PPHLN1: variants seen among roughly 807,000 people sequenced by gnomAD.
PPHLN1 encodes periphilin-1.
In PPHLN1, 29 loss-of-function variants were observed where a neutral mutation model predicts 51.3. That is an observed-to-expected ratio of 0.57 (90% confidence interval 0.42 to 0.77). The LOEUF (loss-of-function observed/expected upper bound fraction) is 0.77. Among genes scored for constraint, PPHLN1 ranks in the 30% least tolerant of loss-of-function variants. The pLI, the probability that PPHLN1 is intolerant of heterozygous loss-of-function variation, is 0.00. For missense variants in PPHLN1, 436 were observed against 438.4 expected (o/e 0.99, Z 0.05); for synonymous variants, 147 against 147.8 (o/e 0.99, Z 0.04).
At chr12:42,426,230 C>CCT (rs2081484162) in intron 9 of PPHLN1, among the ~76,000 whole-genome samples, 1 of 80,354 alleles carries the variant, frequency 1.2e-5, no homozygotes, top group Non-Finnish European at 2.5e-5. Context: ...ACACACACAC[C>CCT]CTCATGCATT....
intron 2 of PPHLN1, among the ~76,000 whole-genome samples, chr12:42,342,704 C>T (rs1311585351): frequency 6.6e-6 from 1 of 152,192 alleles, no homozygotes; most frequent in Non-Finnish European, 1.5e-5. Context: ...CTTCATTTTT[C>T]TGTTTCTTTA....
intron 9 of PPHLN1, among the ~76,000 whole-genome samples, chr12:42,432,698 C>T (rs1343579881): frequency 6.6e-6 from 1 of 152,168 alleles, no homozygotes; most frequent in East Asian, 1.9e-4. Context: ...AGGAACCTTC[C>T]TAGCTTGCTG....
At chr12:42,346,083 G>A (rs992962792) in intron 2 of PPHLN1, among the ~76,000 whole-genome samples, 1 of 152,070 alleles carries the variant, frequency 6.6e-6, no homozygotes, top group African/African-American at 2.4e-5. Context: ...ACCTTTTTGT[G>A]TGATAAGAAC....
chr12:42,391,168 T>G (rs2077672145), intron 7 of PPHLN1, among the ~76,000 whole-genome samples: 1 of 152,046 alleles, frequency 6.6e-6, no homozygotes, highest in African/African-American at 2.4e-5. Context: ...TTTTTCAGAG[T>G]TTGTTAGTTT....
intron 4 of PPHLN1, among the ~76,000 whole-genome samples, chr12:42,360,160 C>G (rs1425834678): frequency 6.7e-6 from 1 of 150,192 alleles, no homozygotes; most frequent in African/African-American, 2.5e-5. Flanking sequence ...TCCTGTAACC[C>G]TTCACTAGAG....
chr12:42,393,609 G>T lies in PPHLN1; in HGVS notation c.688G>T (p.Ala230Ser), dbSNP rs959121248. ...KPSRLTEKEL[A>S]EAASKWAAEK... ...CAGTAGGCTAACTGAAAAGGAACTT[G>T]CTGAGGCTGCAAGCAAGTGGGCTGC... is the stretch of plus-strand genomic sequence containing the variant. The change falls in exon 8 of 10, where the codon GCT becomes TCT. Residue 230 changes from alanine (A) to serine (S), a missense_variant. Physicochemically the swap from Ala to Ser is moderately conservative, Grantham distance 99. Coordinates refer to ENST00000358314, the MANE Select transcript of PPHLN1 (RefSeq NM_201439.2). 1 of 1,610,430 alleles carries T rather than the reference G, an allele frequency of 6.2e-7. No homozygotes were observed. Among genetic ancestry groups the T allele is most frequent in the Non-Finnish European group, 8.5e-7 (1 of 1,178,660 alleles).
chr12:42,369,430 T>C (rs1003533131), intron 4 of PPHLN1, among the ~76,000 whole-genome samples: 2 of 152,198 alleles, frequency 1.3e-5, no homozygotes, highest in African/African-American at 4.8e-5. Flanking sequence ...GCACTTGTAT[T>C]GGCATGCCTG....
chr12:42,443,186 A>G (rs927896333), downstream of PPHLN1: 1 of 153,394 alleles, frequency 6.5e-6, no homozygotes, highest in African/African-American at 2.4e-5. Flanking sequence ...CAAAGAGGAA[A>G]CGGAGGTTTT....
At chr12:42,386,851 G>A (rs747562637) in intron 6 of PPHLN1, 1 of 152,156 alleles carries the variant, frequency 6.6e-6, no homozygotes, top group Non-Finnish European at 1.5e-5. Flanking sequence ...CACTATGTGA[G>A]TAAAGTGACT....
intron 9 of PPHLN1, chr12:42,399,828 C>T (rs963004784): frequency 1.3e-5 from 2 of 151,978 alleles, no homozygotes; most frequent in Non-Finnish European, 2.9e-5. Flanking sequence ...ATTGGAGTTT[C>T]AAAATGAAGG....
intron 9 of PPHLN1, among the ~76,000 whole-genome samples, chr12:42,437,614 CTAT>C (rs2082595219): frequency 6.6e-6 from 1 of 152,126 alleles, no homozygotes; most frequent in South Asian, 2.1e-4. Flanking sequence ...ACAGTTTCCC[CTAT>C]TATTAACATT....
In PPHLN1 at chr12:42,441,685, A is replaced by G. The variant is rs2082978837; in HGVS notation, c.*176A>G. ...ATAGTCTGTTTAAAATGTTTGATTC[A>G]AATTTTTGTATTTTTTGTAGAGATG... On this transcript the variant is annotated 3_prime_UTR_variant, in exon 10 of 10. Coordinates refer to ENST00000358314, the MANE Select transcript of PPHLN1 (RefSeq NM_201439.2). The G allele has an allele frequency of 3.1e-6, 4 of 1,283,062 alleles. No homozygotes were observed. The East Asian group carries it at 1.1e-4, about 37-fold the overall frequency. 79.5% of individuals were successfully genotyped at this position (1,283,062 alleles called of 1,614,324 possible). A position where few individuals can be genotyped will look rare whatever the true frequency, so the allele number is the denominator to read the frequency against.
chr12:42,441,791 A>T lies in PPHLN1; in HGVS notation c.*282A>T, dbSNP rs1241585428. The T allele has an allele frequency of 8.9e-7, 1 of 1,118,640 alleles. No homozygotes were observed. Among genetic ancestry groups the T allele is most frequent in the Non-Finnish European group, 1.1e-6 (1 of 913,102 alleles). The allele number at this position is 1,118,640 out of a possible 1,614,324, so 69.3% of individuals were successfully genotyped here. A position where few individuals can be genotyped will look rare whatever the true frequency, so the allele number is the denominator to read the frequency against. ...TGCCTCAGCCTCTCAAAGTGTTGAG[A>T]TTACAGGCGTGAGCCACCGCTCCCT... On this transcript the variant is annotated 3_prime_UTR_variant, in exon 10 of 10. Transcript: ENST00000358314.
chr12:42,443,449 C>A (rs1397769202), downstream of PPHLN1: 1 of 152,266 alleles, frequency 6.6e-6, no homozygotes, highest in East Asian at 1.9e-4. Flanking sequence ...CAGACAACTT[C>A]CATATAACCC....
chr12:42,408,119 A>C (rs997832907), intron 9 of PPHLN1, among the ~76,000 whole-genome samples: 10 of 152,126 alleles, frequency 6.6e-5, no homozygotes, highest in South Asian at 2.1e-4. Flanking sequence ...TTTATTAATA[A>C]TTTTCTATTT....
intron 9 of PPHLN1, among the ~76,000 whole-genome samples, chr12:42,435,052 A>G (rs1347845064): frequency 1.3e-5 from 2 of 152,254 alleles, no homozygotes; most frequent in African/African-American, 4.8e-5. Flanking sequence ...CTATTCTGCA[A>G]TGATTACATT....
downstream of PPHLN1, chr12:42,446,549 C>G: frequency 6.2e-7 from 1 of 1,604,894 alleles, no homozygotes; most frequent in Non-Finnish European, 8.5e-7. Context: ...AAGAATATTA[C>G]TAATTATACT....
intron 9 of PPHLN1, among the ~76,000 whole-genome samples, chr12:42,401,003 AGCATTACATTTAAAAT>A (rs1438161413): frequency 6.6e-6 from 1 of 152,184 alleles, no homozygotes; most frequent in Non-Finnish European, 1.5e-5. Flanking sequence ...TAATGAGTAA[AGCATTACATTTAAAAT>A]GAACAATTCT....
At chr12:42,366,417 G>A (rs933686362) in intron 4 of PPHLN1, among the ~76,000 whole-genome samples, 6 of 151,842 alleles carry the variant, frequency 4.0e-5, no homozygotes, top group Non-Finnish European at 7.4e-5. Context: ...TAGTAGAGAC[G>A]GGGTTTCACC....
Sources: allele counts gnomAD v4.1 joint callset (sites outside exome capture counted in the v4.1 genomes callset), GRCh38; gene constraint gnomAD v4.1.1; transcripts MANE v1.5; gene names NCBI Gene and HGNC (gene_info 2026-07-23, HGNC 2026-07-21).